The following GALNTL6 variants were observed in gnomAD, a reference collection of about 807,000 sequenced individuals.
GALNTL6 encodes polypeptide N-acetylgalactosaminyltransferase-like 6.
In GALNTL6, 46 loss-of-function variants were observed where a neutral mutation model predicts 73.7. The ratio of observed to expected loss-of-function variants is 0.62; its 90% CI spans 0.49 to 0.80. The LOEUF is 0.80. GALNTL6 is among the 30% of genes least tolerant of loss of function. The pLI is 0.00. For missense variants in GALNTL6, 604 were observed against 755.0 expected (o/e 0.80, Z 2.34); for synonymous variants, 259 against 263.7 (o/e 0.98, Z 0.17).
chr4:171,851,767 G>A (rs1026032758), intron 2 of GALNTL6, among the ~76,000 whole-genome samples: 2 of 152,178 alleles, frequency 1.3e-5, no homozygotes, highest in Non-Finnish European at 2.9e-5. Flanking sequence ...TGTCTGAAAG[G>A]CCATTGCAAT....
intron 2 of GALNTL6, among the ~76,000 whole-genome samples, chr4:171,943,415 T>C (rs985155626): frequency 5.3e-5 from 8 of 152,208 alleles, no homozygotes; most frequent in Non-Finnish European, 1.0e-4. Flanking sequence ...GAATTTTACT[T>C]CTTGATTGCT....
intron 2 of GALNTL6, among the ~76,000 whole-genome samples, chr4:172,155,743 A>G (rs902319807): frequency 1.3e-5 from 2 of 152,168 alleles, no homozygotes; most frequent in Non-Finnish European, 2.9e-5. Context: ...TACTCATTAG[A>G]TCAGAGTTTA....
At chr4:172,203,190 A>C (rs755977873) in intron 2 of GALNTL6, among the ~76,000 whole-genome samples, 1 of 152,214 alleles carries the variant, frequency 6.6e-6, no homozygotes, top group African/African-American at 2.4e-5. Context: ...TAAAAATGTG[A>C]CCATATAGCT....
chr4:172,665,255 G>A (rs956261533), intron 5 of GALNTL6, among the ~76,000 whole-genome samples: 4 of 152,190 alleles, frequency 2.6e-5, no homozygotes, highest in East Asian at 3.9e-4. Context: ...GGCATGCTGC[G>A]GGCCTCTGCT....
intron 5 of GALNTL6, among the ~76,000 whole-genome samples, chr4:172,439,767 G>T (rs566858239): frequency 6.6e-6 from 1 of 151,812 alleles, no homozygotes; most frequent in South Asian, 2.1e-4. Context: ...CCAAATAGTC[G>T]ATTTTATTTT....
intron 2 of GALNTL6, among the ~76,000 whole-genome samples, chr4:172,171,433 C>T (rs2110822102): frequency 6.6e-6 from 1 of 152,162 alleles, no homozygotes; most frequent in African/African-American, 2.4e-5. Flanking sequence ...TGTATGAGTA[C>T]ATACAGGTTA....
At chr4:171,927,665 A>G (rs1218731857) in intron 2 of GALNTL6, among the ~76,000 whole-genome samples, 1 of 151,578 alleles carries the variant, frequency 6.6e-6, no homozygotes, top group Non-Finnish European at 1.5e-5. Context: ...CTCCAGCCAC[A>G]TGGGTCTTCT....
chr4:172,936,719 A>G (rs1045844538), intron 9 of GALNTL6, among the ~76,000 whole-genome samples: 2 of 152,130 alleles, frequency 1.3e-5, no homozygotes, highest in African/African-American at 4.8e-5. Context: ...GATGTGAAGG[A>G]CCTCTTCAAG....
At chr4:171,874,766 C>T in intron 2 of GALNTL6, among the ~76,000 whole-genome samples, 1 of 152,174 alleles carries the variant, frequency 6.6e-6, no homozygotes, top group East Asian at 1.9e-4. Flanking sequence ...ATTTTAAAAA[C>T]TTTCTCATTC....
At chr4:172,877,727 G>A (rs1308048558) in intron 7 of GALNTL6, among the ~76,000 whole-genome samples, 1 of 151,428 alleles carries the variant, frequency 6.6e-6, no homozygotes, top group Non-Finnish European at 1.5e-5. Context: ...TCTATGGCCT[G>A]TAGAAAAAAA....
chr4:171,866,742 C>G (rs541771702), intron 2 of GALNTL6, among the ~76,000 whole-genome samples: 3 of 152,290 alleles, frequency 2.0e-5, no homozygotes, highest in Admixed American at 6.5e-5. Flanking sequence ...CTGCTGACTT[C>G]AGTCTGTTGT....
intron 5 of GALNTL6, among the ~76,000 whole-genome samples, chr4:172,703,841 G>T (rs746570222): frequency 2.0e-5 from 3 of 151,908 alleles, no homozygotes; most frequent in African/African-American, 4.8e-5. Context: ...TCTTTCCTGA[G>T]AAACTTTTTA....
At chr4:172,229,128 G>A (rs1736966498) in intron 2 of GALNTL6, among the ~76,000 whole-genome samples, 2 of 152,156 alleles carry the variant, frequency 1.3e-5, no homozygotes, top group Admixed American at 1.3e-4. Flanking sequence ...CAGAAAAATG[G>A]GGATTTACAA....
At chr4:172,103,713 G>A (rs1011226682) in intron 2 of GALNTL6, among the ~76,000 whole-genome samples, 1 of 152,198 alleles carries the variant, frequency 6.6e-6, no homozygotes, top group African/African-American at 2.4e-5. Flanking sequence ...GTAGGCTAAA[G>A]AGGATATCTG....
intron 5 of GALNTL6, among the ~76,000 whole-genome samples, chr4:172,594,609 G>C (rs1737781499): frequency 2.6e-5 from 4 of 151,984 alleles, no homozygotes; most frequent in African/African-American, 9.7e-5. Context: ...ATAAGTTCCA[G>C]AATATTATAC....
At chr4:172,840,854 T>C (rs751095305) in intron 7 of GALNTL6, among the ~76,000 whole-genome samples, 74 of 152,308 alleles carry the variant, frequency 4.9e-4, no homozygotes, top group Non-Finnish European at 9.0e-4. Flanking sequence ...TAACTGCCCT[T>C]CAGGGACTGG....
intron 5 of GALNTL6, among the ~76,000 whole-genome samples, chr4:172,486,683 C>T (rs1022922207): frequency 3.3e-5 from 5 of 152,112 alleles, no homozygotes; most frequent in African/African-American, 9.7e-5. Context: ...GCATTTAAAA[C>T]AGCTAAAGAA....
intron 5 of GALNTL6, among the ~76,000 whole-genome samples, chr4:172,750,789 T>C (rs1043790575): frequency 1.3e-5 from 2 of 152,216 alleles, no homozygotes; most frequent in Non-Finnish European, 2.9e-5. Flanking sequence ...ATTTTTGCTC[T>C]TTCCTTTGTT....
chr4:171,949,621 A>C (rs1436747316), intron 2 of GALNTL6, among the ~76,000 whole-genome samples: 1 of 152,242 alleles, frequency 6.6e-6, no homozygotes, highest in Non-Finnish European at 1.5e-5. Flanking sequence ...TTACAGAATA[A>C]GTAGATGAAT....
Sources: allele counts gnomAD v4.1 joint callset (sites outside exome capture counted in the v4.1 genomes callset), GRCh38; gene constraint gnomAD v4.1.1; transcripts MANE v1.5; gene names NCBI Gene and HGNC (gene_info 2026-07-23, HGNC 2026-07-21).